Variants in IGSF23 observed in about 807,000 individuals in gnomAD.
IGSF23 encodes immunoglobulin superfamily, member 23.
IGSF23 carries 14 observed loss-of-function variants against 17.8 expected under a neutral mutation model. The ratio of observed to expected loss-of-function variants is 0.79; its 90% CI spans 0.52 to 1.23. The LOEUF is 1.23. Among genes scored for constraint, IGSF23 ranks in the 50% most tolerant of loss-of-function variants. IGSF23 has a pLI of 0.00. For missense variants in IGSF23, 214 were observed against 241.7 expected (o/e 0.89, Z 0.76); for synonymous variants, 85 against 92.5 (o/e 0.92, Z 0.46).
intron 3 of IGSF23, among the ~76,000 whole-genome samples, chr19:44,631,089 C>G (rs961506289): frequency 1.3e-5 from 1 of 79,346 alleles, no homozygotes; most frequent in African/African-American, 5.6e-5. Context: ...ACTCATGTCT[C>G]TACAAAAAAA....
intron 3 of IGSF23, among the ~76,000 whole-genome samples, chr19:44,632,974 A>T (rs1375839105): frequency 6.6e-6 from 1 of 152,236 alleles, no homozygotes; most frequent in African/African-American, 2.4e-5. Context: ...AGGCATATCA[A>T]AAGCAGTCAA....
intron 3 of IGSF23, among the ~76,000 whole-genome samples, chr19:44,631,751 T>C (rs1395462814): frequency 1.3e-5 from 2 of 152,248 alleles, no homozygotes; most frequent in Admixed American, 6.5e-5. Flanking sequence ...TATGGCTACT[T>C]ATCTGCAGCA....
At chr19:44,627,306 T>G in intron 2 of IGSF23, 114 bp from the exon 3 acceptor site, 1 of 1,090,120 alleles carries the variant, frequency 9.2e-7, no homozygotes, top group Non-Finnish European at 1.3e-6. Flanking sequence ...ACCTGGAGGA[T>G]GGAAGAGAAG....
Position 44,627,585 on chromosome 19 carries a change from C to T in IGSF23, c.545+12C>T. 1 of 1,544,600 alleles carries T rather than the reference C, an allele frequency of 6.5e-7. No homozygotes were observed. Among genetic ancestry groups the T allele is most frequent in the Non-Finnish European group, 8.8e-7 (1 of 1,142,776 alleles). On this transcript the variant is annotated intron_variant, in intron 3 of 4. Transcript: ENST00000402988. ...ATCCAGAGCCTAAGGTACCTCTATC[C>T]CTCACCCCCGTCCACTGGGCAACAT...
chr19:44,614,203 AGAG>A (rs1472742807), intron 1 of IGSF23, among the ~76,000 whole-genome samples: 2 of 152,184 alleles, frequency 1.3e-5, no homozygotes, highest in African/African-American at 2.4e-5. Context: ...TGAGGCGCAA[AGAG>A]GAGAACAGGT....
intron 1 of IGSF23, among the ~76,000 whole-genome samples, chr19:44,614,765 CAT>C: frequency 6.6e-6 from 1 of 152,156 alleles, no homozygotes; most frequent in Non-Finnish European, 1.5e-5. Context: ...CCTATAGTAA[CAT>C]TTACCTCTTA....
At chr19:44,633,397 T>G (rs1263884264) in intron 3 of IGSF23, among the ~76,000 whole-genome samples, 1 of 152,264 alleles carries the variant, frequency 6.6e-6, no homozygotes, top group African/African-American at 2.4e-5. Flanking sequence ...TTTTCTAGTC[T>G]CATGCTAGGG....
At chr19:44,635,945 C>T (rs1423681669) in intron 4 of IGSF23, among the ~76,000 whole-genome samples, 1 of 152,152 alleles carries the variant, frequency 6.6e-6, no homozygotes, top group Non-Finnish European at 1.5e-5. Flanking sequence ...CTGGTCTCTG[C>T]CAGGCTCGCT....
At chr19:44,620,393 G>A (rs1972492699) in intron 1 of IGSF23, among the ~76,000 whole-genome samples, 1 of 149,186 alleles carries the variant, frequency 6.7e-6, no homozygotes. Context: ...GTGAGATGGA[G>A]CCTCGCTCTG....
chr19:44,627,519 T>C lies in IGSF23; in HGVS notation c.491T>C (p.Leu164Pro). The change falls in exon 3 of 5, where the codon CTG becomes CCG. Residue 164 changes from leucine (L) to proline (P), a missense_variant. Physicochemically the swap from Leu to Pro is moderately conservative, Grantham distance 98. Coordinates refer to ENST00000402988, the MANE Select transcript of IGSF23 (RefSeq NM_001205280.2). ...ATCGGGCTCCTTGCGGCTGGGATCC[T>C]GGGAGCCGGGGCACTGATTGCAGGC... Reference protein sequence around the residue: ...SAIGLLAAGILGAGALIAGMC... With the variant: ...SAIGLLAAGIPGAGALIAGMC... 8 of 1,550,466 alleles carry C rather than the reference T, an allele frequency of 5.2e-6. No homozygotes were observed. The highest frequency in any genetic ancestry group is 7.0e-6 in the Non-Finnish European group (8 of 1,146,942).
chr19:44,613,829 A>G, intron 1 of IGSF23, 59 bp downstream of exon 1: 7 of 1,548,124 alleles, frequency 4.5e-6, no homozygotes, highest in Non-Finnish European at 6.1e-6. Context: ...AGGGTCCTGC[A>G]GGGTGAGGCC....
At chr19:44,625,391 A>C (rs979409824) in intron 2 of IGSF23, among the ~76,000 whole-genome samples, 1 of 152,166 alleles carries the variant, frequency 6.6e-6, no homozygotes, top group African/African-American at 2.4e-5. Flanking sequence ...CGGTATATGG[A>C]GCCCTAGGTG....
intron 1 of IGSF23, among the ~76,000 whole-genome samples, chr19:44,618,464 C>A (rs1453845173): frequency 6.6e-6 from 1 of 152,182 alleles, no homozygotes; most frequent in African/African-American, 2.4e-5. Context: ...AGAAAGCAGA[C>A]CCACTGGACC....
intron 2 of IGSF23, 102 bp downstream of exon 2, chr19:44,624,074 A>G (rs1972583108): frequency 9.4e-7 from 1 of 1,063,108 alleles, no homozygotes; most frequent in African/African-American, 1.6e-5. Flanking sequence ...TACTATGAGC[A>G]GTCCCCTGTG....
At chr19:44,620,964 AC>A (rs2123717788) in intron 1 of IGSF23, 1 of 152,240 alleles carries the variant, frequency 6.6e-6, no homozygotes, top group East Asian at 1.9e-4. Context: ...AATGCCTACA[AC>A]AATGCCTGAC....
In IGSF23 at chr19:44,635,367, TC is replaced by T. The variant is rs774779494; in HGVS notation, c.546-33del. 7.0e-3 allele frequency: 9,610 copies of T among 1,373,690 alleles called. 13 individuals are homozygous for T. Among genetic ancestry groups the T allele is most frequent in the South Asian group, 0.021 (1,389 of 67,050 alleles). The allele number at this position is 1,373,690 out of a possible 1,614,324, so 85.1% of individuals were successfully genotyped here. On this transcript the variant is annotated intron_variant, in intron 3 of 4. Transcript: ENST00000402988. ...TTCTTATTCTCTCTCTCTCTCTCTCTCTCTCTCTGTCTCTCTCTCTCTCTCC... is the reference window on the plus strand; with the variant it reads ...TTCTTATTCTCTCTCTCTCTCTCTCTTCTCTCTGTCTCTCTCTCTCTCTCC...
intron 2 of IGSF23, among the ~76,000 whole-genome samples, chr19:44,627,203 G>A (rs1017880135): frequency 6.6e-6 from 1 of 152,204 alleles, no homozygotes; most frequent in African/African-American, 2.4e-5. Context: ...GGTCAGGTGT[G>A]AGCTTTAGAA....
intron 1 of IGSF23, among the ~76,000 whole-genome samples, chr19:44,614,309 C>G (rs1404900490): frequency 5.3e-5 from 8 of 152,198 alleles, no homozygotes; most frequent in Admixed American, 5.2e-4. Flanking sequence ...TGTCTCACCC[C>G]TGCAATCCGC....
chr19:44,619,165 G>A (rs1407155262), intron 1 of IGSF23, among the ~76,000 whole-genome samples: 2 of 152,104 alleles, frequency 1.3e-5, no homozygotes, highest in African/African-American at 4.8e-5. Flanking sequence ...CAGAGAGGAA[G>A]TGCCACATTT....
Sources: gnomAD v4.1 joint callset for allele counts (sites outside exome capture counted in the v4.1 genomes callset) on GRCh38, gnomAD v4.1.1 for gene constraint, MANE v1.5 for transcripts, NCBI Gene and HGNC (gene_info 2026-07-23, HGNC 2026-07-21) for gene names.